UGT1A8: variants seen among roughly 807,000 people sequenced by gnomAD.
The protein encoded by UGT1A8 is UDP glucuronosyltransferase family 1 member A8.
A neutral mutation model predicts 45.3 loss-of-function variants in UGT1A8; 39 were observed. That is an observed-to-expected ratio of 0.86 (90% CI 0.67 to 1.12). UGT1A8 has a LOEUF of 1.12. Among genes scored for constraint, UGT1A8 ranks in the 50% most tolerant of loss-of-function variants. The pLI, the probability that UGT1A8 is intolerant of heterozygous loss-of-function variation, is 0.00. For missense variants in UGT1A8, 719 were observed against 664.9 expected (o/e 1.08, Z -0.90); for synonymous variants, 275 against 249.2 (o/e 1.10, Z -0.97).
chr2:233,632,687 C>T (rs779645314), intron 1 of UGT1A8, among the ~76,000 whole-genome samples: 6 of 152,124 alleles, frequency 3.9e-5, no homozygotes, highest in Admixed American at 6.5e-5. Context: ...ATTTTGTAAC[C>T]TGAGACTTTT....
In UGT1A8 at chr2:233,618,421, T is replaced by G; in HGVS notation, c.714T>G (p.Pro238=). 1 of 1,613,958 alleles carries G rather than the reference T, an allele frequency of 6.2e-7. No individual in the cohort carries two copies. Among genetic ancestry groups the G allele is most frequent in the Non-Finnish European group, 8.5e-7 (1 of 1,179,862 alleles). Residue 238 remains proline (P), a synonymous_variant, in exon 1 of 5, where the codon CCT becomes CCG. Transcript: ENST00000373450. ...TAGCCTCTGAAATTCTCCAAACACCTGTCACAGCATATGATCTCTACAGCC... is the reference window on the plus strand; with the variant it reads ...TAGCCTCTGAAATTCTCCAAACACCGGTCACAGCATATGATCTCTACAGCC... The part of the protein sequence containing the change: ...LEIASEILQT[P]VTAYDLYSHT...
intron 1 of UGT1A8, among the ~76,000 whole-genome samples, chr2:233,727,901 A>G (rs2077664960): frequency 6.6e-6 from 1 of 152,194 alleles, no homozygotes; most frequent in Non-Finnish European, 1.5e-5. Context: ...CGGCCAGGCA[A>G]GAAGACACAG....
At chr2:233,622,460 T>C (rs2073026147) in intron 1 of UGT1A8, among the ~76,000 whole-genome samples, 1 of 152,244 alleles carries the variant, frequency 6.6e-6, no homozygotes, top group Non-Finnish European at 1.5e-5. Context: ...GTGGTTTTGA[T>C]TTGCATTTCT....
chr2:233,626,819 T>C (rs917980699), intron 1 of UGT1A8, among the ~76,000 whole-genome samples: 1 of 152,100 alleles, frequency 6.6e-6, no homozygotes, highest in African/African-American at 2.4e-5. Flanking sequence ...ACCTTCAGTG[T>C]TGAACTCATG....
chr2:233,736,864 A>G lies in UGT1A8; in HGVS notation c.856-30170A>G, dbSNP rs948375151. On this transcript the variant is annotated intron_variant, in intron 1 of 4. Transcript: ENST00000373450. ...ACCAGTGGAGGCTGCAGAACAGCAA[A>G]TATTGCAGAACAGCAAATATTGCTG... Among the ~76,000 whole-genome samples, 4 of 152,194 alleles carry G rather than the reference A, an allele frequency of 2.6e-5. No homozygotes were observed. The East Asian group carries it at 7.7e-4, about 29-fold the overall frequency.
chr2:233,683,335 T>C (rs775129300), intron 1 of UGT1A8, among the ~76,000 whole-genome samples: 3 of 152,166 alleles, frequency 2.0e-5, no homozygotes, highest in Non-Finnish European at 2.9e-5. Flanking sequence ...TTTTAATAAT[T>C]GCATGGTAGT....
intron 1 of UGT1A8, among the ~76,000 whole-genome samples, chr2:233,746,796 G>A (rs1217306288): frequency 1.3e-5 from 2 of 151,816 alleles, no homozygotes; most frequent in Admixed American, 1.3e-4. Flanking sequence ...TAATTCATGA[G>A]CGTGAATGTG....
intron 1 of UGT1A8, chr2:233,637,463 T>A: frequency 6.6e-7 from 1 of 1,504,832 alleles, no homozygotes; most frequent in Non-Finnish European, 8.8e-7. Flanking sequence ...GATTTGACAT[T>A]TTCGTTTGTT....
intron 1 of UGT1A8, among the ~76,000 whole-genome samples, chr2:233,674,619 A>G (rs1289670795): frequency 6.6e-6 from 1 of 150,640 alleles, no homozygotes; most frequent in Non-Finnish European, 1.5e-5. Flanking sequence ...CAAACTATAT[A>G]TGGTTTCATT....
intron 1 of UGT1A8, among the ~76,000 whole-genome samples, chr2:233,728,192 C>T (rs2077688908): frequency 6.6e-6 from 1 of 152,192 alleles, no homozygotes; most frequent in Non-Finnish European, 1.5e-5. Context: ...GAACTTGGTG[C>T]TGGATTGACT....
Position 233,648,991 on chromosome 2 carries a change from G to A in UGT1A8, c.855+30429G>A, listed in dbSNP as rs981596980. Reference sequence around the variant, plus strand: ...GATGCCCAATATGATCTTCATTGGTGGTATCAACTGCAATCAGGGAAAGCC... The same window carrying A: ...GATGCCCAATATGATCTTCATTGGTAGTATCAACTGCAATCAGGGAAAGCC... On this transcript the variant is annotated intron_variant, in intron 1 of 4. Transcript: ENST00000373450. The A allele has an allele frequency of 5.5e-5, 78 of 1,409,066 alleles. No homozygotes were observed. In the African/African-American group the frequency reaches 9.7e-4, roughly 17 times the overall value. 87.3% of individuals were successfully genotyped at this position (1,409,066 alleles called of 1,614,324 possible).
intron 1 of UGT1A8, chr2:233,756,230 C>T (rs1280753131): frequency 1.3e-5 from 2 of 152,182 alleles, no homozygotes; most frequent in African/African-American, 4.8e-5. Context: ...TAGTTTAGGA[C>T]AACCCTCCTT....
At chr2:233,765,252 C>T (rs1390588094) in intron 1 of UGT1A8, among the ~76,000 whole-genome samples, 1 of 152,180 alleles carries the variant, frequency 6.6e-6, no homozygotes, top group Non-Finnish European at 1.5e-5. Flanking sequence ...AATCCCATTA[C>T]TGGGTATATA....
intron 1 of UGT1A8, chr2:233,713,817 A>G (rs776318563): frequency 1.2e-6 from 2 of 1,614,092 alleles, no homozygotes; most frequent in South Asian, 1.1e-5. Flanking sequence ...CATGGTCTTC[A>G]TTGGGGGCAT....
intron 1 of UGT1A8, chr2:233,747,437 C>G: frequency 1.9e-6 from 3 of 1,608,846 alleles, no homozygotes; most frequent in Non-Finnish European, 2.6e-6. Context: ...AGAAATTTTT[C>G]ACCCTGACAA....
chr2:233,639,673 C>T (rs1252461274), intron 1 of UGT1A8, among the ~76,000 whole-genome samples: 2 of 152,034 alleles, frequency 1.3e-5, no homozygotes, highest in Non-Finnish European at 2.9e-5. Flanking sequence ...TTGAAGATCT[C>T]CTGTAACAAA....
intron 1 of UGT1A8, chr2:233,691,756 C>T: frequency 1.9e-6 from 1 of 515,634 alleles, no homozygotes; most frequent in African/African-American, 2.1e-5. Flanking sequence ...CTTTCTGACT[C>T]CTGCTCTAGG....
rs2073811971 is a variant in UGT1A8, at chr2:233,654,513, GA to G, written c.855+35958del. ...TCAACCTATCAGTGATTAAGGAATA[GA>G]AAAAAACGTTTTCTGCAGTTGATTA... On this transcript the variant is annotated intron_variant, in intron 1 of 4. Coordinates refer to ENST00000373450, the MANE Select transcript of UGT1A8 (RefSeq NM_019076.5). Among the ~76,000 whole-genome samples, 4 of 152,152 alleles carry G rather than the reference GA, an allele frequency of 2.6e-5. No homozygotes were observed. In the South Asian group the frequency reaches 8.3e-4, roughly 32 times the overall value.
At chr2:233,679,364 C>T (rs2074450232) in intron 1 of UGT1A8, among the ~76,000 whole-genome samples, 1 of 152,168 alleles carries the variant, frequency 6.6e-6, no homozygotes, top group Non-Finnish European at 1.5e-5. Flanking sequence ...AACAATAAAA[C>T]TGTCAGTGAG....
Sources: allele counts gnomAD v4.1 joint callset (sites outside exome capture counted in the v4.1 genomes callset), GRCh38; gene constraint gnomAD v4.1.1; transcripts MANE v1.5; gene names NCBI Gene and HGNC (gene_info 2026-07-23, HGNC 2026-07-21).